The following WDR49 variants were observed in gnomAD, a reference collection of about 807,000 sequenced individuals.
WDR49 encodes the protein cilia- and flagella-associated protein 337.
In WDR49, 107 loss-of-function variants were observed where a neutral mutation model predicts 119.5. The ratio of observed to expected loss-of-function variants is 0.90; its 90% CI spans 0.77 to 1.05. The LOEUF (loss-of-function observed/expected upper bound fraction) is 1.05, where lower values mean the gene tolerates loss of function less well. WDR49 is among the 50% of genes least tolerant of loss of function. The pLI is 0.00. For synonymous variants in WDR49, 425 were observed against 418.8 expected, an observed-to-expected ratio of 1.01 and a Z score of -0.18; for missense variants, 1,240 against 1,220.5, an observed-to-expected ratio of 1.02 and a Z score of -0.24.
upstream of WDR49, among the ~76,000 whole-genome samples, chr3:167,654,185 G>GAT (rs1241274211): frequency 2.0e-5 from 3 of 151,988 alleles, no homozygotes; most frequent in Non-Finnish European, 2.9e-5. Context: ...CATTATATAG[G>GAT]ATATATATTA....
chr3:167,518,689 G>C (rs1023623746), intron 16 of WDR49, among the ~76,000 whole-genome samples: 1 of 151,200 alleles, frequency 6.6e-6, no homozygotes, highest in African/African-American at 2.4e-5. Flanking sequence ...TAGGTTGCCT[G>C]TTCACTCTGA....
intron 18 of WDR49, among the ~76,000 whole-genome samples, chr3:167,485,288 C>T (rs1750878478): frequency 6.6e-6 from 1 of 151,814 alleles, no homozygotes; most frequent in Non-Finnish European, 1.5e-5. Flanking sequence ...TGCAGCAAAC[C>T]ACCATGGCAC....
chr3:167,564,549 T>C (rs927511103), intron 8 of WDR49, among the ~76,000 whole-genome samples: 1 of 152,138 alleles, frequency 6.6e-6, no homozygotes, highest in African/African-American at 2.4e-5. Context: ...CCAAATCTCT[T>C]TAAGTTTGCA....
At chr3:167,552,842 C>A (rs62278308) in intron 10 of WDR49, among the ~76,000 whole-genome samples, 4 of 151,830 alleles carry the variant, frequency 2.6e-5, no homozygotes, top group African/African-American at 9.7e-5. Flanking sequence ...TAATTACCAT[C>A]CCATCCTGCA....
At chr3:167,483,796 C>G (rs1750816374) in intron 18 of WDR49, among the ~76,000 whole-genome samples, 1 of 152,264 alleles carries the variant, frequency 6.6e-6, no homozygotes, top group East Asian at 1.9e-4. Context: ...CACTCTCAAA[C>G]TCCTAGCAAT....
intron 16 of WDR49, among the ~76,000 whole-genome samples, chr3:167,506,868 G>A (rs1751790355): frequency 1.3e-5 from 2 of 151,886 alleles, no homozygotes; most frequent in South Asian, 4.1e-4. Context: ...GGATTTTTTT[G>A]GTAGAATATC....
chr3:167,580,431 A>G (rs930424726), intron 7 of WDR49, among the ~76,000 whole-genome samples: 1 of 152,180 alleles, frequency 6.6e-6, no homozygotes, highest in African/African-American at 2.4e-5. Flanking sequence ...GAAATCTCCT[A>G]TGCTTTGGCC....
In WDR49 at chr3:167,627,180, A is replaced by C. The variant is rs1377309963; in HGVS notation, c.278T>G (p.Val93Gly). The change falls in exon 3 of 19, where the codon GTG becomes GGG. Residue 93 changes from valine to glycine, a missense_variant. Val to Gly is a moderately radical substitution (Grantham distance 109, BLOSUM62 -3). Transcript: ENST00000682715. ...AATGAAGCCATCTTGGGCCACATCCACTTTGTCAAAGAGCTCCCCATATTC... is the reference window on the plus strand; with the variant it reads ...AATGAAGCCATCTTGGGCCACATCCCCTTTGTCAAAGAGCTCCCCATATTC... ...KEEYGELFDKVDVAQDGFINW... is the reference protein window; with the variant it reads ...KEEYGELFDKGDVAQDGFINW... The C allele has an allele frequency of 2.4e-6, 3 of 1,258,106 alleles. No individual in the cohort carries two copies. In the African/African-American group the frequency reaches 4.6e-5, roughly 19 times the overall value. 77.9% of individuals were successfully genotyped at this position (1,258,106 alleles called of 1,614,324 possible). A position where few individuals can be genotyped will look rare whatever the true frequency, so the allele number is the denominator to read the frequency against.
intron 2 of WDR49, among the ~76,000 whole-genome samples, chr3:167,629,758 A>G (rs1048003055): frequency 6.6e-6 from 1 of 152,114 alleles, no homozygotes; most frequent in Non-Finnish European, 1.5e-5. Context: ...ACCCTCATGG[A>G]AGACTTTGAG....
chr3:167,610,598 G>C (rs1322728730), intron 5 of WDR49, among the ~76,000 whole-genome samples: 1 of 152,248 alleles, frequency 6.6e-6, no homozygotes, highest in African/African-American at 2.4e-5. Flanking sequence ...GACCCACCCA[G>C]GGGCTGGGGG....
At chr3:167,615,793 C>T (rs1716569742) in intron 5 of WDR49, among the ~76,000 whole-genome samples, 1 of 152,184 alleles carries the variant, frequency 6.6e-6, no homozygotes, top group South Asian at 2.1e-4. Flanking sequence ...AATAGATAAG[C>T]AGCCAGTTCT....
chr3:167,605,094 GTA>G lies in WDR49; in HGVS notation c.959-628_959-627del, dbSNP rs201743226. 3.4e-3 allele frequency among the ~76,000 whole-genome samples: 458 copies of G among 133,282 alleles called. 2 individuals are homozygous for G. Among genetic ancestry groups the G allele is most frequent in the African/African-American group, 0.013 (376 of 29,024 alleles). The allele number at this position is 133,282 out of a possible 152,430, so 87.4% of individuals were successfully genotyped here. A position where few individuals can be genotyped will look rare whatever the true frequency, so the allele number is the denominator to read the frequency against. On this transcript the variant is annotated intron_variant, in intron 5 of 18. Coordinates refer to ENST00000682715, the MANE Select transcript of WDR49 (RefSeq NM_001366157.1). The stretch of plus-strand genomic sequence containing the variant: ...ATACACACATATATTTGTAATATGT[GTA>G]TATATATACACACACACACACACAC...
At chr3:167,609,571 C>A (rs1716242260) in intron 5 of WDR49, among the ~76,000 whole-genome samples, 1 of 152,162 alleles carries the variant, frequency 6.6e-6, no homozygotes. Context: ...AGGGCTACAG[C>A]ACTGTTTGTC....
At chr3:167,562,426 C>A (rs1349928019) in intron 8 of WDR49, among the ~76,000 whole-genome samples, 3 of 152,076 alleles carry the variant, frequency 2.0e-5, no homozygotes, top group Non-Finnish European at 4.4e-5. Context: ...AGCATGTGAT[C>A]CTTTTAGCCC....
At chr3:167,550,473 A>C (rs1215489306) in intron 10 of WDR49, among the ~76,000 whole-genome samples, 1 of 152,028 alleles carries the variant, frequency 6.6e-6, no homozygotes, top group Non-Finnish European at 1.5e-5. Context: ...ATGGGAGTTC[A>C]CTCAAAAGAT....
At chr3:167,590,788 T>C (rs1715069056) in intron 7 of WDR49, among the ~76,000 whole-genome samples, 1 of 152,016 alleles carries the variant, frequency 6.6e-6, no homozygotes, top group African/African-American at 2.4e-5. Context: ...ATTTGGGTTT[T>C]CTCTCTTTTT....
In WDR49 at chr3:167,587,190, A is replaced by C. The variant is rs1208136810; in HGVS notation, c.1276-11039T>G. 3.9e-5 allele frequency among the ~76,000 whole-genome samples: 6 copies of C among 152,326 alleles called. No homozygotes were observed. The South Asian group carries it at 8.3e-4, about 21-fold the overall frequency. On this transcript the variant is annotated intron_variant, in intron 7 of 18. Coordinates refer to ENST00000682715, the MANE Select transcript of WDR49 (RefSeq NM_001366157.1). ...CAACAAATAATCTTTACCTTCAAGC[A>C]GTCAGAATCTAATGAAAAATACAAT...
intron 6 of WDR49, among the ~76,000 whole-genome samples, chr3:167,603,473 T>C (rs1012270601): frequency 7.9e-5 from 12 of 152,134 alleles, no homozygotes; most frequent in African/African-American, 2.2e-4. Context: ...GTTACTGTGA[T>C]TGTCAGGTAT....
At chr3:167,484,789 TAA>T (rs112088975) in intron 18 of WDR49, among the ~76,000 whole-genome samples, 2 of 142,206 alleles carry the variant, frequency 1.4e-5, no homozygotes. Flanking sequence ...ATACCACGGG[TAA>T]AAAAAAAAAA....
Sources: gnomAD v4.1 joint callset for allele counts (sites outside exome capture counted in the v4.1 genomes callset) on GRCh38, gnomAD v4.1.1 for gene constraint, MANE v1.5 for transcripts, NCBI Gene and HGNC (gene_info 2026-07-23, HGNC 2026-07-21) for gene names.